Variants in GAL3ST1 observed in about 807,000 individuals in gnomAD.
GAL3ST1 encodes galactosylceramide sulfotransferase.
Under a neutral mutation model 25.0 loss-of-function variants are expected in GAL3ST1, and 13 were observed. The observed-to-expected ratio is 0.52, with a 90% confidence interval of 0.34 to 0.83. The LOEUF (loss-of-function observed/expected upper bound fraction) is 0.83. Among genes scored for constraint, GAL3ST1 ranks in the 40% least tolerant of loss-of-function variants. The probability of loss-of-function intolerance (pLI) is 0.02; values close to 1 mark genes in which losing one functional copy is unlikely to be tolerated. For missense variants in GAL3ST1, 474 were observed against 613.6 expected (o/e 0.77, Z 2.40); for synonymous variants, 274 against 277.8 (o/e 0.99, Z 0.14).
chr22:30,571,055 A>T (rs1340369820), intron 1 of GAL3ST1, among the ~76,000 whole-genome samples: 1 of 152,142 alleles, frequency 6.6e-6, no homozygotes, highest in African/African-American at 2.4e-5. Flanking sequence ...AAAGATAAAT[A>T]AAGATATTTC....
At chr22:30,556,296 C>T (rs1253064903) in intron 3 of GAL3ST1, among the ~76,000 whole-genome samples, 1 of 152,074 alleles carries the variant, frequency 6.6e-6, no homozygotes. Flanking sequence ...GAAATGGGGA[C>T]GATAACAGGC....
At chr22:30,571,239 G>A (rs1287672435) in intron 1 of GAL3ST1, among the ~76,000 whole-genome samples, 1 of 152,148 alleles carries the variant, frequency 6.6e-6, no homozygotes, top group Non-Finnish European at 1.5e-5. Context: ...AGCAGAAGGG[G>A]CGGATGGGAT....
intron 1 of GAL3ST1, among the ~76,000 whole-genome samples, chr22:30,573,586 G>C (rs1449054255): frequency 5.9e-5 from 9 of 152,166 alleles, no homozygotes; most frequent in Non-Finnish European, 1.3e-4. Flanking sequence ...AACTGGAATG[G>C]ACAGTCCTCT....
chr22:30,556,116 G>A (rs773157192), intron 3 of GAL3ST1, 23 bp from the exon 4 acceptor site: 1 of 1,583,614 alleles, frequency 6.3e-7, no homozygotes, highest in South Asian at 1.1e-5. Flanking sequence ...GAGAGGTGGG[G>A]AGAGCCTCAG....
At chr22:30,571,915 C>G (rs542279638) in intron 1 of GAL3ST1, among the ~76,000 whole-genome samples, 1 of 152,346 alleles carries the variant, frequency 6.6e-6, no homozygotes, top group Non-Finnish European at 1.5e-5. Context: ...TTGACAGACA[C>G]TCCCAGTCTC....
intron 1 of GAL3ST1, among the ~76,000 whole-genome samples, chr22:30,573,885 G>A (rs1368046598): frequency 1.3e-5 from 2 of 152,170 alleles, no homozygotes; most frequent in African/African-American, 4.8e-5. Context: ...AACAGGAACT[G>A]TAGGATTTCC....
At chr22:30,574,048 C>G (rs2086842825) in intron 1 of GAL3ST1, among the ~76,000 whole-genome samples, 1 of 152,140 alleles carries the variant, frequency 6.6e-6, no homozygotes, top group South Asian at 2.1e-4. Flanking sequence ...GATCCCCTTT[C>G]TAGGAAGGGC....
intron 1 of GAL3ST1, chr22:30,572,797 C>T (rs574076422): frequency 6.6e-6 from 1 of 152,092 alleles, no homozygotes; most frequent in African/African-American, 2.4e-5. Flanking sequence ...CATCCATATT[C>T]CTCACCCAGT....
chr22:30,557,154 G>T, intron 3 of GAL3ST1, 108 bp downstream of exon 3: 1 of 1,143,738 alleles, frequency 8.7e-7, no homozygotes, highest in Admixed American at 2.1e-5. Context: ...GTGCAGGGTG[G>T]CTACCCAAGA....
At chr22:30,571,645 C>T (rs1253854508) in intron 1 of GAL3ST1, among the ~76,000 whole-genome samples, 2 of 152,086 alleles carry the variant, frequency 1.3e-5, no homozygotes, top group Non-Finnish European at 2.9e-5. Flanking sequence ...GGGCAGATCA[C>T]GAGGTCAGGA....
chr22:30,568,956 A>C (rs1173165274), intron 1 of GAL3ST1, among the ~76,000 whole-genome samples: 1 of 151,998 alleles, frequency 6.6e-6, no homozygotes, highest in East Asian at 1.9e-4. Flanking sequence ...GGCGCATGTA[A>C]TACCAGCTAC....
Position 30,556,055 on chromosome 22 carries a change from A to G in GAL3ST1, c.170T>C (p.Leu57Pro). Residue 57 changes from leucine to proline, a missense_variant, in exon 4 of 4, where the codon CTC (leucine) becomes CCC (proline). Coordinates refer to ENST00000406361, the MANE Select transcript of GAL3ST1 (RefSeq NM_001318104.2). Reference protein sequence around the residue: ...EAAASCSPPALEPEAVIRANG... With the variant: ...EAAASCSPPAPEPEAVIRANG... ...GGCCCGGATCACTGCCTCTGGCTCG[A>G]GTGCAGGTGGAGAGCAGGACGCTGC... is the stretch of plus-strand genomic sequence containing the variant. 1 of 1,611,522 alleles carries G rather than the reference A, an allele frequency of 6.2e-7. No homozygotes were observed. Among genetic ancestry groups the G allele is most frequent in the Non-Finnish European group, 8.5e-7 (1 of 1,179,806 alleles).
At chr22:30,571,796 G>A (rs374125709) in intron 1 of GAL3ST1, among the ~76,000 whole-genome samples, 39 of 152,242 alleles carry the variant, frequency 2.6e-4, no homozygotes, top group African/African-American at 8.2e-4. Flanking sequence ...CCTGGGAGGC[G>A]GAGCTTGCAG....
chr22:30,556,314 A>G (rs2086025013), intron 3 of GAL3ST1, among the ~76,000 whole-genome samples: 1 of 152,116 alleles, frequency 6.6e-6, no homozygotes, highest in Non-Finnish European at 1.5e-5. Context: ...GGCCCTATTC[A>G]CGGTGTTGTG....
chr22:30,570,079 A>G (rs1318998416), intron 1 of GAL3ST1, among the ~76,000 whole-genome samples: 2 of 152,214 alleles, frequency 1.3e-5, no homozygotes, highest in African/African-American at 2.4e-5. Context: ...GTGAGACCCC[A>G]TCTTAAAAAA....
chr22:30,571,982 C>T (rs141780303), intron 1 of GAL3ST1, among the ~76,000 whole-genome samples: 3,635 of 152,300 alleles, frequency 0.024, 56 homozygotes, highest in Non-Finnish European at 0.034. Context: ...TTTGCCTACA[C>T]GGCAAAGCCA....
chr22:30,569,131 T>A (rs1400161978), intron 1 of GAL3ST1, among the ~76,000 whole-genome samples: 3 of 150,222 alleles, frequency 2.0e-5, no homozygotes, highest in Admixed American at 6.6e-5. Context: ...AGCATGCTAC[T>A]GAGTCTCACC....
chr22:30,568,865 T>C (rs940585923), intron 1 of GAL3ST1, among the ~76,000 whole-genome samples: 5 of 151,904 alleles, frequency 3.3e-5, no homozygotes, highest in African/African-American at 1.2e-4. Context: ...CACCTGAGGT[T>C]AGGGGTCCGA....
intron 1 of GAL3ST1, among the ~76,000 whole-genome samples, chr22:30,571,471 C>A (rs1220691790): frequency 6.6e-6 from 1 of 152,142 alleles, no homozygotes; most frequent in Non-Finnish European, 1.5e-5. Context: ...GGGGTGGATG[C>A]AGGTGGTAGC....
Sources: allele counts gnomAD v4.1 joint callset (sites outside exome capture counted in the v4.1 genomes callset), GRCh38; gene constraint gnomAD v4.1.1; transcripts MANE v1.5; gene names NCBI Gene and HGNC (gene_info 2026-07-23, HGNC 2026-07-21).